The following PHF21A variants were observed in gnomAD, a reference collection of about 807,000 sequenced individuals.
The protein encoded by PHF21A is BHC80a.
A neutral mutation model predicts 82.5 loss-of-function variants in PHF21A; 11 were observed. That is an observed-to-expected ratio of 0.13 (90% CI 0.08 to 0.22). The LOEUF (loss-of-function observed/expected upper bound fraction) is 0.22. Among genes scored for constraint, PHF21A ranks in the 10% least tolerant of loss-of-function variants. PHF21A has a pLI of 1.00. For synonymous variants in PHF21A, 297 were observed against 302.8 expected (o/e 0.98, Z 0.20); for missense variants, 579 against 837.8 (o/e 0.69, Z 3.81).
At chr11:46,049,449 A>G (rs774248266) in intron 6 of PHF21A, 10 of 456,192 alleles carry the variant, frequency 2.2e-5, no homozygotes, top group Non-Finnish European at 4.4e-5. Flanking sequence ...ATTCCTGTAC[A>G]GTGGCATCTG....
intron 2 of PHF21A, among the ~76,000 whole-genome samples, chr11:46,090,919 CAAAA>C (rs994764984): frequency 6.6e-6 from 1 of 151,692 alleles, no homozygotes; most frequent in South Asian, 2.1e-4. Context: ...TGATTTTTCA[CAAAA>C]AAAATTTGCA....
chr11:45,987,437 G>A lies in PHF21A; in HGVS notation c.154-7471C>T, dbSNP rs1044310497. On this transcript the variant is annotated intron_variant, in intron 6 of 18. Coordinates refer to ENST00000676320, the MANE Select transcript of PHF21A (RefSeq NM_001352027.3). ...GGCACTTTGGGAGGCCGAGGTGGGC[G>A]AATCACAAGGTCAGGAGTTCGAGAC... Among the ~76,000 whole-genome samples, 5 of 151,538 alleles carry A rather than the reference G, an allele frequency of 3.3e-5. No homozygotes were observed. In the East Asian group the frequency reaches 7.8e-4, roughly 24 times the overall value.
At chr11:46,076,304 T>A (rs747878768) in intron 6 of PHF21A, among the ~76,000 whole-genome samples, 1 of 152,190 alleles carries the variant, frequency 6.6e-6, no homozygotes, top group Non-Finnish European at 1.5e-5. Flanking sequence ...CATAAAGGCA[T>A]GACCATACTT....
chr11:46,029,557 G>A (rs1198031626), intron 6 of PHF21A, among the ~76,000 whole-genome samples: 6 of 151,768 alleles, frequency 4.0e-5, no homozygotes, highest in Non-Finnish European at 5.9e-5. Flanking sequence ...GCGTGGTAGC[G>A]CATGTCTGTA....
intron 6 of PHF21A, among the ~76,000 whole-genome samples, chr11:46,031,972 T>C (rs1054083750): frequency 6.6e-6 from 1 of 152,204 alleles, no homozygotes; most frequent in African/African-American, 2.4e-5. Flanking sequence ...ATCTTTTTGT[T>C]CTCTTCCACA....
intron 15 of PHF21A, among the ~76,000 whole-genome samples, chr11:45,942,599 AAATGCTGAATCTTTAGAG>A (rs1217549844): frequency 1.3e-5 from 2 of 152,244 alleles, no homozygotes; most frequent in African/African-American, 4.8e-5. Flanking sequence ...AAGCGAGACA[AAATGCTGAATCTTTAGAG>A]AATGATGAAT....
intron 6 of PHF21A, among the ~76,000 whole-genome samples, chr11:46,003,592 C>T (rs770796323): frequency 7.2e-5 from 11 of 151,956 alleles, no homozygotes; most frequent in Admixed American, 3.3e-4. Flanking sequence ...AGTGAGAAAA[C>T]GCTACAATTC....
intron 4 of PHF21A, among the ~76,000 whole-genome samples, chr11:46,081,571 G>A (rs768053596): frequency 6.6e-6 from 1 of 152,224 alleles, no homozygotes; most frequent in Non-Finnish European, 1.5e-5. Flanking sequence ...TCTGTAAGCA[G>A]TTAAACTGCA....
chr11:45,946,012 CAA>C lies in PHF21A; in HGVS notation c.1289-11_1289-10del. ...GTATTTTGGAGGACGACCTATATACCAAGAGAAGGGAACAAAAGGGAAAAACG... is the reference window on the plus strand; with the variant it reads ...GTATTTTGGAGGACGACCTATATACCGAGAAGGGAACAAAAGGGAAAAACG... On this transcript the variant is annotated splice_polypyrimidine_tract_variant and intron_variant, in intron 14 of 18. Coordinates refer to ENST00000676320, the MANE Select transcript of PHF21A (RefSeq NM_001352027.3). 6.2e-7 allele frequency: 1 copy of C among 1,613,670 alleles called. No homozygotes were observed. The highest frequency in any genetic ancestry group is 8.5e-7 in the Non-Finnish European group (1 of 1,179,900).
intron 18 of PHF21A, chr11:45,935,281 T>A (rs1480401756): frequency 7.6e-7 from 1 of 1,310,766 alleles, no homozygotes; most frequent in Admixed American, 2.3e-5. Flanking sequence ...CTGGTCTGTG[T>A]CTGCTCAGTG....
chr11:45,977,895 C>G (rs200675961), intron 7 of PHF21A, among the ~76,000 whole-genome samples: 1 of 150,232 alleles, frequency 6.7e-6, no homozygotes, highest in African/African-American at 2.5e-5. Context: ...TTGAATGGAC[C>G]TATTTTTCAG....
At chr11:46,057,962 T>C (rs1024227046) in intron 6 of PHF21A, among the ~76,000 whole-genome samples, 7 of 152,238 alleles carry the variant, frequency 4.6e-5, no homozygotes, top group African/African-American at 1.7e-4. Flanking sequence ...AATTTGTTTC[T>C]GGTGGAAATT....
chr11:46,051,888 C>A (rs770571530), intron 6 of PHF21A, among the ~76,000 whole-genome samples: 2 of 152,148 alleles, frequency 1.3e-5, no homozygotes, highest in Admixed American at 6.6e-5. Context: ...GAGCCTCTTG[C>A]AATGGTTGGA....
intron 3 of PHF21A, among the ~76,000 whole-genome samples, chr11:46,087,135 T>C (rs2096866259): frequency 6.6e-6 from 1 of 152,244 alleles, no homozygotes; most frequent in South Asian, 2.1e-4. Context: ...TTCTTCTTTT[T>C]GGGGTATTGA....
chr11:45,935,656 G>A lies in PHF21A; in HGVS notation c.1768C>T (p.Gln590Ter). Residue 590 changes from glutamine (Q) to a stop codon, truncating the protein, a stop_gained, in exon 18 of 19, where the codon CAG becomes TAG. Coordinates refer to ENST00000676320, the MANE Select transcript of PHF21A (RefSeq NM_001352027.3). LOFTEE classifies it high-confidence loss of function. ...CTTACACTTATGGAATTGCTGAGCT[G>A]TTTCACCTTTTGCTCTAGTTGTTCT... is the stretch of plus-strand genomic sequence containing the variant. Reference protein sequence around the residue: ...EREQLEQKVKQLSNSISKCME... With the variant: ...EREQLEQKVK 1 of 1,506,878 alleles carries A rather than the reference G, an allele frequency of 6.6e-7. No individual in the cohort carries two copies. The highest frequency in any genetic ancestry group is 9.1e-7 in the Non-Finnish European group (1 of 1,092,966). 93.3% of individuals were successfully genotyped at this position (1,506,878 alleles called of 1,614,324 possible). A position where few individuals can be genotyped will look rare whatever the true frequency, so the allele number is the denominator to read the frequency against.
chr11:45,983,484 T>C (rs150383513), intron 6 of PHF21A, among the ~76,000 whole-genome samples: 9 of 152,216 alleles, frequency 5.9e-5, no homozygotes, highest in African/African-American at 1.9e-4. Flanking sequence ...ACATGTCTGT[T>C]GCTATCTGTG....
chr11:46,023,080 C>T (rs1295101901), intron 6 of PHF21A, among the ~76,000 whole-genome samples: 6 of 152,028 alleles, frequency 3.9e-5, no homozygotes, highest in Non-Finnish European at 8.8e-5. Context: ...TATATTTAGG[C>T]TAAGGTCTCA....
intron 14 of PHF21A, 22 bp from the exon 15 acceptor site, chr11:45,946,025 C>T (rs765304227): frequency 6.2e-7 from 1 of 1,613,470 alleles, no homozygotes; most frequent in South Asian, 1.1e-5. Context: ...GAGAAGGGAA[C>T]AAAAGGGAAA....
intron 15 of PHF21A, among the ~76,000 whole-genome samples, chr11:45,942,606 G>C (rs1261066858): frequency 6.6e-6 from 1 of 152,204 alleles, no homozygotes; most frequent in Non-Finnish European, 1.5e-5. Flanking sequence ...ACAAAATGCT[G>C]AATCTTTAGA....
Sources: allele counts gnomAD v4.1 joint callset (sites outside exome capture counted in the v4.1 genomes callset), GRCh38; gene constraint gnomAD v4.1.1; transcripts MANE v1.5; gene names NCBI Gene and HGNC (gene_info 2026-07-23, HGNC 2026-07-21).